CES5A: variants seen among roughly 807,000 people sequenced by gnomAD.
CES5A encodes carboxylesterase 5A, also known as carboxylesterase 5.
In CES5A, 67 loss-of-function variants were observed where a neutral mutation model predicts 62.9. That is an observed-to-expected ratio of 1.07 (90% CI 0.88 to 1.31). The LOEUF is 1.31. Ranked by LOEUF, CES5A falls within the 50% of genes most tolerant of loss-of-function variation. The pLI, the probability that CES5A is intolerant of heterozygous loss-of-function variation, is 0.00. For missense variants in CES5A, 748 were observed against 708.5 expected, an observed-to-expected ratio of 1.06 and a Z score of -0.63; for synonymous variants, 296 against 280.8, an observed-to-expected ratio of 1.05 and a Z score of -0.54.
In CES5A at chr16:55,846,510, GA is replaced by G; in HGVS notation, c.1668del (p.Leu557PhefsTer4). 1.2e-6 allele frequency: 2 copies of G among 1,614,182 alleles called. No homozygotes were observed. The highest frequency in any genetic ancestry group is 1.3e-5 in the African/African-American group (1 of 75,062). On this transcript the variant is annotated frameshift_variant, in exon 13 of 13. Transcript: ENST00000290567. LOFTEE classifies it low-confidence loss of function (END_TRUNC). ...ILSASDMLHS[P>X]LSSLTFLSLL... ...AGAGAGAGGAAAGTTAAGGAAGAAA[GA>G]GGACTGTGGAGCATGTCGGAGGCAG... is the stretch of plus-strand genomic sequence containing the variant.
Position 55,846,442 on chromosome 16 carries a change from G to T in CES5A, c.*9C>A, listed in dbSNP as rs762489359. 2 of 1,605,650 alleles carry T rather than the reference G, an allele frequency of 1.2e-6. No individual in the cohort carries two copies. Among genetic ancestry groups the T allele is most frequent in the Non-Finnish European group, 1.7e-6 (2 of 1,173,054 alleles). The stretch of plus-strand genomic sequence containing the variant: ...AGAAGGGAAACCAAAATCACAGAAA[G>T]ATAACTTCTCAAGGAGCACAAAAGA... On this transcript the variant is annotated 3_prime_UTR_variant, in exon 13 of 13. Coordinates refer to ENST00000290567, the MANE Select transcript of CES5A (RefSeq NM_001143685.2).
rs189580005 is a variant in CES5A, at chr16:55,915,605, A to G, written c.-256+9718T>C. Among the ~76,000 whole-genome samples the G allele has an allele frequency of 2.0e-5, 3 of 152,238 alleles. No individual in the cohort carries two copies. The East Asian group carries it at 5.8e-4, about 29-fold the overall frequency. ...GGAATATCTGATCATTGTGCTAACA[A>G]CAAGGTCTTTAAGCTCCGCTAGAGG... On this transcript the variant is annotated intron_variant, in intron 1 of 12. Coordinates refer to the CES5A transcript ENST00000518005.
chr16:55,859,804 C>T, intron 7 of CES5A, 117 bp from the exon 8 acceptor site: 1 of 878,520 alleles, frequency 1.1e-6, no homozygotes, highest in Non-Finnish European at 1.7e-6. Flanking sequence ...GGCTTAAATG[C>T]ACTTAAAAAG....
chr16:55,879,194 A>G (rs774884675), upstream of CES5A, among the ~76,000 whole-genome samples: 2 of 123,728 alleles, frequency 1.6e-5, no homozygotes, highest in Non-Finnish European at 3.3e-5. Flanking sequence ...AATGCTCCCC[A>G]TTTCTATAGT....
At chr16:55,939,378 C>G (rs1487600197) in intron 2 of CES5A, among the ~76,000 whole-genome samples, 1 of 152,160 alleles carries the variant, frequency 6.6e-6, no homozygotes, top group Non-Finnish European at 1.5e-5. Flanking sequence ...GAAAAATCAA[C>G]TTTAAAACCT....
intron 1 of CES5A, among the ~76,000 whole-genome samples, chr16:55,924,948 T>C (rs986156838): frequency 6.6e-6 from 1 of 152,080 alleles, no homozygotes; most frequent in Admixed American, 6.6e-5. Context: ...CCACAGGACA[T>C]TGGTCTGGGC....
intron 1 of CES5A, among the ~76,000 whole-genome samples, chr16:55,897,849 A>G (rs761207830): frequency 6.6e-6 from 1 of 152,234 alleles, no homozygotes; most frequent in Non-Finnish European, 1.5e-5. Context: ...AGTAGGATAA[A>G]TAAATTGTGG....
chr16:55,896,105 A>G (rs1452543161), intron 1 of CES5A, among the ~76,000 whole-genome samples: 1 of 152,218 alleles, frequency 6.6e-6, no homozygotes, highest in Non-Finnish European at 1.5e-5. Flanking sequence ...ATAGCTTAGG[A>G]GGCCTCACAA....
intron 2 of CES5A, among the ~76,000 whole-genome samples, chr16:55,872,009 A>G (rs1490319941): frequency 1.3e-5 from 2 of 152,116 alleles, no homozygotes; most frequent in Non-Finnish European, 2.9e-5. Context: ...TAATTGCACC[A>G]TTACCCCCAC....
intron 1 of CES5A, among the ~76,000 whole-genome samples, chr16:55,880,885 C>T (rs972587453): frequency 1.3e-5 from 2 of 152,246 alleles, no homozygotes; most frequent in South Asian, 4.1e-4. Flanking sequence ...AGCTGTGTCT[C>T]CTGGAACCAT....
At chr16:55,954,849 G>T (rs149525633) in intron 1 of CES5A, among the ~76,000 whole-genome samples, 86 of 152,262 alleles carry the variant, frequency 5.6e-4, no homozygotes, top group Non-Finnish European at 9.8e-4. Context: ...ATATCCTCCA[G>T]ACACCCCTGA....
intron 1 of CES5A, among the ~76,000 whole-genome samples, chr16:55,903,739 T>C (rs2034012993): frequency 6.6e-6 from 1 of 152,138 alleles, no homozygotes; most frequent in South Asian, 2.1e-4. Context: ...CTTACTGGAG[T>C]CTTTCTAGCT....
At chr16:55,848,415 G>A (rs35386503) in intron 11 of CES5A, among the ~76,000 whole-genome samples, 17,818 of 152,086 alleles carry the variant, frequency 0.12, 1,158 homozygotes, top group Middle Eastern at 0.16. Context: ...CACCATGCCC[G>A]GCCTTACATG....
intron 9 of CES5A, among the ~76,000 whole-genome samples, chr16:55,855,658 T>A (rs1364031298): frequency 6.6e-6 from 1 of 152,052 alleles, no homozygotes; most frequent in Non-Finnish European, 1.5e-5. Flanking sequence ...AACATCTGAA[T>A]AGTGGGATAA....
At chr16:55,919,079 G>A (rs549567669) in intron 1 of CES5A, among the ~76,000 whole-genome samples, 14 of 152,158 alleles carry the variant, frequency 9.2e-5, no homozygotes, top group East Asian at 1.9e-4. Context: ...ATCTCTAATC[G>A]GCTGAGACCC....
chr16:55,883,348 T>A (rs2033781484), intron 1 of CES5A, among the ~76,000 whole-genome samples: 1 of 152,224 alleles, frequency 6.6e-6, no homozygotes, highest in Non-Finnish European at 1.5e-5. Context: ...GATGGCTCAC[T>A]GCAACCTCCA....
intron 9 of CES5A, 86 bp from the exon 10 acceptor site, chr16:55,853,114 A>G (rs1269472466): frequency 7.2e-7 from 1 of 1,386,928 alleles, no homozygotes; most frequent in African/African-American, 1.4e-5. Context: ...TATGATTCTG[A>G]ATGCTTTACC....
intron 1 of CES5A, among the ~76,000 whole-genome samples, chr16:55,900,776 A>C (rs2033982468): frequency 6.6e-6 from 1 of 152,226 alleles, no homozygotes; most frequent in Admixed American, 6.5e-5. Flanking sequence ...GGACCTGCCA[A>C]CTTATACAGT....
At chr16:55,875,456 G>T, upstream of CES5A, 1 of 1,034,232 alleles carries the variant, frequency 9.7e-7, no homozygotes, top group Non-Finnish European at 1.3e-6. Context: ...GCTGGGGAAA[G>T]ATAATTTGAT....
Sources: gnomAD v4.1 joint callset for allele counts (sites outside exome capture counted in the v4.1 genomes callset) on GRCh38, gnomAD v4.1.1 for gene constraint, MANE v1.5 for transcripts, NCBI Gene and HGNC (gene_info 2026-07-23, HGNC 2026-07-21) for gene names.